The following RIMS4 variants were observed in gnomAD, a reference collection of about 807,000 sequenced individuals.
The protein encoded by RIMS4 is regulating synaptic membrane exocytosis 4, also known as regulating synaptic membrane exocytosis protein 4.
RIMS4 carries 9 observed loss-of-function variants against 29.0 expected under a neutral mutation model. That is an observed-to-expected ratio of 0.31 (90% CI 0.19 to 0.54). The LOEUF (loss-of-function observed/expected upper bound fraction) is 0.54, where lower values mean the gene tolerates loss of function less well. Among genes scored for constraint, RIMS4 ranks in the 20% least tolerant of loss-of-function variants. RIMS4 has a pLI of 0.94. For synonymous variants in RIMS4, 130 were observed against 152.9 expected, an observed-to-expected ratio of 0.85 and a Z score of 1.10; for missense variants, 193 against 365.7, an observed-to-expected ratio of 0.53 and a Z score of 3.85.
intron 2 of RIMS4, among the ~76,000 whole-genome samples, 180 bp downstream of exon 2, chr20:44,771,095 C>T (rs1345376686): frequency 3.9e-5 from 6 of 152,214 alleles, no homozygotes; most frequent in African/African-American, 2.4e-5. Flanking sequence ...GCTCGCTCTC[C>T]CTCGGGGCTT....
intron 4 of RIMS4, 72 bp from the exon 5 acceptor site, chr20:44,757,109 G>A: frequency 1.3e-6 from 2 of 1,525,198 alleles, no homozygotes; most frequent in Non-Finnish European, 1.8e-6. Flanking sequence ...GCAACAGAGG[G>A]AGGCTGCCCA....
intron 1 of RIMS4, among the ~76,000 whole-genome samples, chr20:44,789,173 C>G (rs912493604): frequency 2.0e-5 from 3 of 151,820 alleles, no homozygotes; most frequent in Non-Finnish European, 4.4e-5. Flanking sequence ...TGGTTTAAAT[C>G]CGGGTCTGTC....
At chr20:44,798,198 C>T (rs750992736) in intron 1 of RIMS4, among the ~76,000 whole-genome samples, 1 of 152,154 alleles carries the variant, frequency 6.6e-6, no homozygotes, top group Non-Finnish European at 1.5e-5. Flanking sequence ...AGGCACCCTC[C>T]AAAGAGGGAC....
chr20:44,779,740 T>C (rs2066175678), intron 1 of RIMS4, among the ~76,000 whole-genome samples: 1 of 152,248 alleles, frequency 6.6e-6, no homozygotes, highest in Admixed American at 6.5e-5. Context: ...TGACCATTTC[T>C]GTGCAGTTCT....
rs552905608 is a variant in RIMS4 at position 44,779,700 on chromosome 20, G to C, written c.98-8287C>G. 7.2e-5 allele frequency among the ~76,000 whole-genome samples: 11 copies of C among 152,272 alleles called. No individual in the cohort carries two copies. The South Asian group carries it at 2.3e-3, about 32-fold the overall frequency. On this transcript the variant is annotated intron_variant, in intron 1 of 5. Coordinates refer to ENST00000372851, the MANE Select transcript of RIMS4 (RefSeq NM_182970.4). ...GTAATGAGATATTACAAATAGCTCT[G>C]CCAAAAACATTCTTGTATGTGTCTT...
intron 1 of RIMS4, among the ~76,000 whole-genome samples, chr20:44,787,288 T>G (rs190386202): frequency 1.3e-5 from 2 of 151,916 alleles, no homozygotes; most frequent in African/African-American, 4.8e-5. Context: ...TGGCATACAA[T>G]TGATGGAAGA....
intron 2 of RIMS4, among the ~76,000 whole-genome samples, chr20:44,770,856 T>C (rs901412305): frequency 2.0e-5 from 3 of 152,230 alleles, no homozygotes; most frequent in African/African-American, 7.2e-5. Flanking sequence ...CCTCCTTTAT[T>C]TCTTAAGCAG....
At chr20:44,791,728 CCTT>C (rs2066233628) in intron 1 of RIMS4, among the ~76,000 whole-genome samples, 1 of 152,122 alleles carries the variant, frequency 6.6e-6, no homozygotes, top group South Asian at 2.1e-4. Flanking sequence ...ACAAATGACT[CCTT>C]CTCCTCTTGA....
Position 44,752,245 on chromosome 20 carries a change from A to C in RIMS4, c.*3889T>G, listed in dbSNP as rs539265620. The C allele has an allele frequency of 6.6e-6, 1 of 152,400 alleles. No individual in the cohort carries two copies. Among genetic ancestry groups the C allele is most frequent in the Admixed American group, 6.5e-5 (1 of 15,300 alleles). The allele number at this position is 152,400 out of a possible 1,614,324, so 9.4% of individuals were successfully genotyped here. A position where few individuals can be genotyped will look rare whatever the true frequency, so the allele number is the denominator to read the frequency against. ...GGCCTCGGAGACACCATAGGGGAAC[A>C]GGGAGAGGGGCTCGGTCCCTGGGCC... On this transcript the variant is annotated 3_prime_UTR_variant, in exon 6 of 6. Coordinates refer to ENST00000372851, the MANE Select transcript of RIMS4 (RefSeq NM_182970.4).
chr20:44,803,463 G>A (rs2066285181), intron 1 of RIMS4, among the ~76,000 whole-genome samples: 1 of 152,184 alleles, frequency 6.6e-6, no homozygotes, highest in Admixed American at 6.5e-5. Context: ...AGAGAAGGCA[G>A]CTGGCCAGGG....
At chr20:44,810,141 C>T (rs150963275) in intron 1 of RIMS4, 34 bp downstream of exon 1, 263,910 of 1,397,116 alleles carry the variant, frequency 0.19, 27,628 homozygotes, top group Non-Finnish European at 0.21. Context: ...TCCCGGGACA[C>T]CCCGGGGGTC....
rs2066061694 is a variant in RIMS4, at chr20:44,756,678, T to C, written c.591+220A>G. The stretch of plus-strand genomic sequence containing the variant: ...AGGTAGGTACTATTAGGGTCCCCGC[T>C]TTACAGATGAAGGAACTGAGGGTCA... On this transcript the variant is annotated intron_variant, in intron 5 of 5. Transcript: ENST00000372851. The surrounding 1 kb of genome is among the most constrained non-coding windows in gnomAD (Gnocchi z 5.9). 6.6e-6 allele frequency among the ~76,000 whole-genome samples: 1 copy of C among 152,058 alleles called. No individual in the cohort carries two copies.
intron 1 of RIMS4, among the ~76,000 whole-genome samples, chr20:44,807,208 G>A (rs1225549521): frequency 1.3e-5 from 2 of 152,180 alleles, no homozygotes; most frequent in Non-Finnish European, 2.9e-5. Flanking sequence ...CCCTTGAGAG[G>A]AATTCTGGGA....
intron 2 of RIMS4, among the ~76,000 whole-genome samples, chr20:44,764,190 TTATC>T (rs2066102014): frequency 3.0e-4 from 3 of 10,120 alleles, no homozygotes; most frequent in African/African-American, 7.0e-4. Context: ...ATCCATCCAT[TTATC>T]CATCCATCCA....
chr20:44,763,912 G>A (rs761190818), intron 2 of RIMS4, among the ~76,000 whole-genome samples: 61 of 152,158 alleles, frequency 4.0e-4, no homozygotes, highest in African/African-American at 1.3e-3. Context: ...AGGAGTTTAC[G>A]GGTTCCCTGT....
chr20:44,805,631 G>A (rs2066295483), intron 1 of RIMS4, among the ~76,000 whole-genome samples: 1 of 152,144 alleles, frequency 6.6e-6, no homozygotes, highest in Admixed American at 6.6e-5. Flanking sequence ...CCTCCTTCTA[G>A]GGCTGAAGGA....
chr20:44,793,674 G>T (rs965611429), intron 1 of RIMS4, among the ~76,000 whole-genome samples: 2 of 152,188 alleles, frequency 1.3e-5, no homozygotes, highest in African/African-American at 4.8e-5. Flanking sequence ...GAGTTCAGGT[G>T]GGTAATAAGA....
chr20:44,809,919 G>A (rs2066315943), intron 1 of RIMS4, among the ~76,000 whole-genome samples: 1 of 152,026 alleles, frequency 6.6e-6, no homozygotes, highest in African/African-American at 2.4e-5. Context: ...CGGGTGAGGA[G>A]GGAGATGGGT....
chr20:44,757,346 T>A (rs1425916354), intron 4 of RIMS4, among the ~76,000 whole-genome samples: 1 of 151,856 alleles, frequency 6.6e-6, no homozygotes, highest in African/African-American at 2.4e-5. Context: ...TATGCATCTA[T>A]CTGCTGACCC....
Sources: allele counts gnomAD v4.1 joint callset (sites outside exome capture counted in the v4.1 genomes callset), GRCh38; gene constraint gnomAD v4.1.1; non-coding constraint Gnocchi (gnomAD v3.1); transcripts MANE v1.5; gene names NCBI Gene and HGNC (gene_info 2026-07-23, HGNC 2026-07-21).